Variants in PLXNA4 observed in about 807,000 individuals in gnomAD.
The protein encoded by PLXNA4 is plexin A4, also known as plexin-A4.
In PLXNA4, 44 loss-of-function variants were observed where a neutral mutation model predicts 191.8. The observed-to-expected ratio is 0.23, with a 90% CI of 0.18 to 0.29. The LOEUF (loss-of-function observed/expected upper bound fraction) is 0.29, where lower values mean the gene tolerates loss of function less well. Among genes scored for constraint, PLXNA4 ranks in the 10% least tolerant of loss-of-function variants. The pLI is 1.00. For synonymous variants in PLXNA4, 1,082 were observed against 1,009.5 expected (o/e 1.07, Z -1.36); for missense variants, 1,800 against 2,488.8 (o/e 0.72, Z 5.89).
chr7:132,331,631 A>G (rs1199338041), intron 3 of PLXNA4, among the ~76,000 whole-genome samples: 4 of 152,226 alleles, frequency 2.6e-5, no homozygotes, highest in Non-Finnish European at 5.9e-5. Flanking sequence ...GCATGTAATA[A>G]TAACCTCAAA....
At chr7:132,624,713 A>G (rs1347531823) in intron 2 of PLXNA4, among the ~76,000 whole-genome samples, 1 of 152,216 alleles carries the variant, frequency 6.6e-6, no homozygotes, top group East Asian at 1.9e-4. Flanking sequence ...TTTAGTGTTC[A>G]GTAAGCTTAG....
chr7:132,139,378 G>A (rs1487522859), intron 30 of PLXNA4, among the ~76,000 whole-genome samples: 1 of 152,156 alleles, frequency 6.6e-6, no homozygotes, highest in Admixed American at 6.5e-5. Flanking sequence ...AAATGATAAA[G>A]TTCATTTTGT....
intron 4 of PLXNA4, among the ~76,000 whole-genome samples, chr7:132,251,414 CG>C (rs35881661): frequency 6.6e-6 from 1 of 152,012 alleles, no homozygotes. Context: ...AAGAAGAAGG[CG>C]GGGAGGGGCT....
rs777832485 is a variant in PLXNA4 at position 132,140,643 on chromosome 7, C to G, written c.5394G>C (p.Leu1798=). 12 of 1,614,122 alleles carry G rather than the reference C, an allele frequency of 7.4e-6. No homozygotes were observed. Among genetic ancestry groups the G allele is most frequent in the Non-Finnish European group, 9.3e-6 (11 of 1,180,028 alleles). ...AGCTGGGGATGTCCTTGGCATACAGCAGCTTGTTGGAGGGCGAGTCCTTGC... is the reference window on the plus strand; with the variant it reads ...AGCTGGGGATGTCCTTGGCATACAGGAGCTTGTTGGAGGGCGAGTCCTTGC... ...RLGKDSPSNK[L]LYAKDIPSYK... The change falls in exon 30 of 32, where the codon CTG becomes CTC. Residue 1798 remains leucine (L), a synonymous_variant. Transcript: ENST00000321063.
intron 1 of PLXNA4, among the ~76,000 whole-genome samples, chr7:132,553,927 A>G (rs1800678177): frequency 6.6e-6 from 1 of 152,220 alleles, no homozygotes; most frequent in Non-Finnish European, 1.5e-5. Context: ...AAACATGAGC[A>G]GAATTTCAGC....
At chr7:132,611,096 ATTTTTAAAAGTCTCTC>A (rs1314915434) in intron 2 of PLXNA4, among the ~76,000 whole-genome samples, 1 of 152,168 alleles carries the variant, frequency 6.6e-6, no homozygotes, top group Non-Finnish European at 1.5e-5. Flanking sequence ...AGCCAAGTGA[ATTTTTAAAAGTCTCTC>A]TTTGACAAAC....
In PLXNA4 at chr7:132,311,156, T is replaced by TTGTGTGTGTGTGTGTG. The variant is rs749947062; in HGVS notation, c.1372-12950_1372-12935dup. Reference sequence around the variant, plus strand: ...CCAGTTCCTGGGCTATCTAGGATAATTGTGTGTGTGTGTGTGTGTGTGTGT... The same window carrying TTGTGTGTGTGTGTGTG: ...CCAGTTCCTGGGCTATCTAGGATAATTGTGTGTGTGTGTGTGTGTGTGTGTGTGTGTGTGTGTGTGT... On this transcript the variant is annotated intron_variant, in intron 3 of 31. Coordinates refer to ENST00000321063, the MANE Select transcript of PLXNA4 (RefSeq NM_020911.2). 2.0e-3 allele frequency among the ~76,000 whole-genome samples: 259 copies of TTGTGTGTGTGTGTGTG among 132,112 alleles called. 3 individuals are homozygous for TTGTGTGTGTGTGTGTG. The highest frequency in any genetic ancestry group is 0.012 in the East Asian group (55 of 4,446). The allele number at this position is 132,112 out of a possible 152,430, so 86.7% of individuals were successfully genotyped here. A position where few individuals can be genotyped will look rare whatever the true frequency, so the allele number is the denominator to read the frequency against.
rs1797094626 is a variant in PLXNA4, at chr7:132,475,621, ACAAT to A, written c.1371+13667_1371+13670del. ...TTCCCCTGACCCAACTCCCTCAGAA[ACAAT>A]CAGATTCAAGGCAGAGAGATTAAAT... is the stretch of plus-strand genomic sequence containing the variant. On this transcript the variant is annotated intron_variant, in intron 3 of 31. Transcript: ENST00000321063. 3.3e-5 allele frequency among the ~76,000 whole-genome samples: 5 copies of A among 152,062 alleles called. No individual in the cohort carries two copies. In the South Asian group the frequency reaches 1.0e-3, roughly 32 times the overall value.
At chr7:132,399,588 T>G (rs1318664878) in intron 3 of PLXNA4, among the ~76,000 whole-genome samples, 1 of 152,032 alleles carries the variant, frequency 6.6e-6, no homozygotes, top group Admixed American at 6.5e-5. Context: ...GGAAGAGTGT[T>G]CCAGAAGCAG....
chr7:132,332,519 G>T (rs1802628423), intron 3 of PLXNA4, among the ~76,000 whole-genome samples: 1 of 152,130 alleles, frequency 6.6e-6, no homozygotes, highest in Non-Finnish European at 1.5e-5. Flanking sequence ...AAGGAACTGG[G>T]ATTCCTAAAT....
At chr7:132,226,480 C>T (rs541370001) in intron 7 of PLXNA4, among the ~76,000 whole-genome samples, 4 of 152,366 alleles carry the variant, frequency 2.6e-5, no homozygotes, top group Non-Finnish European at 5.9e-5. Context: ...TTCCACTCTT[C>T]CATGTGTACA....
At position 132,576,460 on chromosome 7, in the gene PLXNA4, G is replaced by C. The variant is rs1184237681; in HGVS notation, c.-125C>G. ...GTTTCCCTCCTTCAGCGGGAGCGCC[G>C]CATTGACACTGCAGATGGAGCCTAT... On this transcript the variant is annotated 5_prime_UTR_variant, in exon 1 of 32. Coordinates refer to ENST00000321063, the MANE Select transcript of PLXNA4 (RefSeq NM_020911.2). The surrounding 1 kb of genome is among the most constrained non-coding windows in gnomAD (Gnocchi z 5.8). 1 of 985,620 alleles carries C rather than the reference G, an allele frequency of 1.0e-6. No homozygotes were observed. The highest frequency in any genetic ancestry group is 1.7e-5 in the African/African-American group (1 of 57,194). 61.1% of individuals were successfully genotyped at this position (985,620 alleles called of 1,614,324 possible).
At chr7:132,276,783 G>T (rs1800297380) in intron 4 of PLXNA4, among the ~76,000 whole-genome samples, 1 of 152,148 alleles carries the variant, frequency 6.6e-6, no homozygotes, top group Admixed American at 6.6e-5. Context: ...CCTCTCTCTA[G>T]ACAGCCAGGT....
intron 1 of PLXNA4, among the ~76,000 whole-genome samples, chr7:132,528,778 G>A (rs1341960715): frequency 1.3e-5 from 2 of 152,232 alleles, no homozygotes; most frequent in African/African-American, 4.8e-5. Context: ...CCAGGAGTAG[G>A]ATGATGCAGG....
At chr7:132,581,019 TG>T (rs1802392973), upstream of PLXNA4, among the ~76,000 whole-genome samples, 1 of 152,238 alleles carries the variant, frequency 6.6e-6, no homozygotes, top group Non-Finnish European at 1.5e-5. Context: ...TTTCTGCATG[TG>T]TCACCACATG....
chr7:132,594,683 A>G (rs1802665403), intron 2 of PLXNA4, among the ~76,000 whole-genome samples: 1 of 152,106 alleles, frequency 6.6e-6, no homozygotes, highest in Admixed American at 6.5e-5. Context: ...TTGACAAAGA[A>G]CGGTTCCAAA....
intron 3 of PLXNA4, among the ~76,000 whole-genome samples, chr7:132,311,935 A>G (rs914890051): frequency 1.3e-5 from 2 of 152,108 alleles, no homozygotes; most frequent in African/African-American, 4.8e-5. Flanking sequence ...GAATGCACAG[A>G]TGCAGAAAGC....
intron 18 of PLXNA4, among the ~76,000 whole-genome samples, chr7:132,181,162 C>T (rs539525363): frequency 1.3e-5 from 2 of 152,190 alleles, no homozygotes; most frequent in African/African-American, 2.4e-5. Flanking sequence ...AGTCAAATAG[C>T]CAAGGTGGAT....
intron 3 of PLXNA4, chr7:132,384,214 G>A (rs907655937): frequency 1.3e-5 from 13 of 985,280 alleles, no homozygotes; most frequent in South Asian, 9.4e-5. Flanking sequence ...GGAACTATAC[G>A]AGGTTTAGTG....
Sources: allele counts gnomAD v4.1 joint callset (sites outside exome capture counted in the v4.1 genomes callset), GRCh38; gene constraint gnomAD v4.1.1; non-coding constraint Gnocchi (gnomAD v3.1); transcripts MANE v1.5; gene names NCBI Gene and HGNC (gene_info 2026-07-23, HGNC 2026-07-21).